Variants in FABP7 observed in about 807,000 individuals in gnomAD.
The protein encoded by FABP7 is fatty acid binding protein 7.
FABP7 carries 13 observed loss-of-function variants against 14.2 expected under a neutral mutation model. The observed-to-expected ratio is 0.91, with a 90% CI of 0.59 to 1.45. The LOEUF (loss-of-function observed/expected upper bound fraction) is 1.45, where lower values mean the gene tolerates loss of function less well. Ranked by LOEUF, FABP7 falls within the 40% of genes most tolerant of loss-of-function variation. The pLI is 0.00. For missense variants in FABP7, 149 were observed against 157.6 expected, an observed-to-expected ratio of 0.95 and a Z score of 0.29; for synonymous variants, 49 against 51.4, an observed-to-expected ratio of 0.95 and a Z score of 0.20.
At chr6:122,758,183 A>C in the FABP7 span, among the ~76,000 whole-genome samples, 72,242 of 146,948 alleles carry the variant, frequency 0.49, 19,285 homozygotes, top group Non-Finnish European at 0.62. Flanking sequence ...TCTTGGCTCT[A>C]TGCAAACTCT....
chr6:122,755,644 A>G, the FABP7 span, among the ~76,000 whole-genome samples: 2 of 151,066 alleles, frequency 1.3e-5, no homozygotes, highest in Non-Finnish European at 2.9e-5. Flanking sequence ...TTTTTAGTAG[A>G]TATGGAGTTT....
intron 3 of FABP7, chr6:122,781,464 C>T (rs1218463546): frequency 7.2e-7 from 1 of 1,385,530 alleles, no homozygotes; most frequent in African/African-American, 1.4e-5. Flanking sequence ...ATTGATTTGC[C>T]TAAAACTGTG....
the FABP7 span, among the ~76,000 whole-genome samples, chr6:122,757,139 A>G: frequency 1.3e-4 from 20 of 152,334 alleles, no homozygotes; most frequent in African/African-American, 4.6e-4. Flanking sequence ...CCAGACTGCT[A>G]TATTCAAAAG....
At chr6:122,775,608 T>C (rs1394517480), upstream of FABP7, among the ~76,000 whole-genome samples, 1 of 151,958 alleles carries the variant, frequency 6.6e-6, no homozygotes, top group Non-Finnish European at 1.5e-5. Flanking sequence ...TTGATACAGA[T>C]TTTTTAGTAA....
At chr6:122,751,896 T>C in the FABP7 span, among the ~76,000 whole-genome samples, 320 of 152,254 alleles carry the variant, frequency 2.1e-3, 3 homozygotes, top group Middle Eastern at 0.054. Context: ...CTCATCCCTC[T>C]GCCCCAACCC....
chr6:122,779,780 G>C lies in FABP7; in HGVS notation c.-15G>C, dbSNP rs372854485. The stretch of plus-strand genomic sequence containing the variant: ...AGATCCCCGCTCCTGTCTCTAAAGA[G>C]GGGAAAGGGCAAGGATGGTGGAGGC... On this transcript the variant is annotated 5_prime_UTR_variant, in exon 1 of 4. Transcript: ENST00000368444. 51 of 1,613,828 alleles carry C rather than the reference G, an allele frequency of 3.2e-5. No homozygotes were observed. Among genetic ancestry groups the C allele is most frequent in the Middle Eastern group, 3.3e-4 (2 of 6,072 alleles).
intron 3 of FABP7, chr6:122,783,452 T>C (rs1411451621): frequency 1.0e-6 from 1 of 985,476 alleles, no homozygotes; most frequent in Non-Finnish European, 1.2e-6. Context: ...ATCTGCTCAA[T>C]TACCCTGATA....
chr6:122,779,625 G>C (rs548637176), upstream of FABP7: 2 of 628,714 alleles, frequency 3.2e-6, no homozygotes, highest in South Asian at 1.9e-5. Flanking sequence ...CTTGGAAAGA[G>C]GGACACTGGA....
chr6:122,774,537 T>G, the FABP7 span, among the ~76,000 whole-genome samples: 2 of 152,050 alleles, frequency 1.3e-5, no homozygotes, highest in Non-Finnish European at 2.9e-5. Flanking sequence ...AAAGCAACCA[T>G]TCTTAGGTAT....
the FABP7 span, among the ~76,000 whole-genome samples, chr6:122,760,348 A>G: frequency 6.6e-6 from 1 of 152,160 alleles, no homozygotes; most frequent in African/African-American, 2.4e-5. Context: ...ACTTTATCTC[A>G]TAATATAACC....
the FABP7 span, among the ~76,000 whole-genome samples, chr6:122,767,488 G>A: frequency 1.1e-4 from 17 of 152,120 alleles, no homozygotes; most frequent in East Asian, 2.7e-3. Context: ...CCATTTAGGT[G>A]GTGAAATGTT....
chr6:122,781,684 C>A, intron 3 of FABP7: 2 of 980,842 alleles, frequency 2.0e-6, no homozygotes, highest in Non-Finnish European at 2.4e-6. Context: ...TAGAATATAA[C>A]AGAAAAGTAT....
rs1174714472 is a variant in FABP7, at chr6:122,780,313, G to A, written c.96G>A (p.Gln32=). The A allele has an allele frequency of 3.1e-6, 5 of 1,614,038 alleles. No individual in the cohort carries two copies. In the Admixed American group the frequency reaches 8.3e-5, roughly 27 times the overall value. Residue 32 remains glutamine (Q), a synonymous_variant, in exon 2 of 4, where the codon CAG becomes CAA. Coordinates refer to ENST00000368444, the MANE Select transcript of FABP7 (RefSeq NM_001446.5). ...TAGGCGTGGGCTTTGCCACTAGGCA[G>A]GTGGGAAATGTGACCAAACCAACGG... ...KALGVGFATR[Q]VGNVTKPTVI...
At chr6:122,777,739 C>T (rs747863093), upstream of FABP7, among the ~76,000 whole-genome samples, 8 of 152,074 alleles carry the variant, frequency 5.3e-5, no homozygotes, top group Non-Finnish European at 1.2e-4. Flanking sequence ...GTCCCAACTA[C>T]TCAGAGGGCT....
At chr6:122,774,043 G>A in the FABP7 span, among the ~76,000 whole-genome samples, 118,317 of 152,030 alleles carry the variant, frequency 0.78, 48,696 homozygotes, top group Non-Finnish European at 0.9. Context: ...CCACAGCAAA[G>A]TCATAAATTG....
At chr6:122,769,576 A>G in the FABP7 span, among the ~76,000 whole-genome samples, 1 of 152,142 alleles carries the variant, frequency 6.6e-6, no homozygotes, top group Non-Finnish European at 1.5e-5. Context: ...TTTCAGAAAC[A>G]CCTTAACTTA....
chr6:122,774,050 A>G, the FABP7 span, among the ~76,000 whole-genome samples: 1 of 152,110 alleles, frequency 6.6e-6, no homozygotes, highest in East Asian at 1.9e-4. Flanking sequence ...AAAGTCATAA[A>G]TTGCTCCCAG....
chr6:122,754,406 G>A, the FABP7 span, among the ~76,000 whole-genome samples: 3 of 152,154 alleles, frequency 2.0e-5, no homozygotes, highest in African/African-American at 7.2e-5. Flanking sequence ...TGGAAGAAAT[G>A]TCTCCATGCC....
At chr6:122,782,426 A>T (rs1416511147) in intron 3 of FABP7, 1 of 709,354 alleles carries the variant, frequency 1.4e-6, no homozygotes, top group African/African-American at 1.9e-5. Context: ...TATTACTCTG[A>T]TCCATTTCTG....
Sources: allele counts gnomAD v4.1 joint callset (sites outside exome capture counted in the v4.1 genomes callset), GRCh38; gene constraint gnomAD v4.1.1; transcripts MANE v1.5; gene names NCBI Gene and HGNC (gene_info 2026-07-23, HGNC 2026-07-21).